Variants in ZNF79 observed in about 807,000 individuals in gnomAD.
ZNF79 encodes zinc finger protein 79, also known as ZNFpT7.
A neutral mutation model predicts 14.9 loss-of-function variants in ZNF79; 13 were observed. That is an observed-to-expected ratio of 0.87 (90% confidence interval 0.57 to 1.38). The LOEUF is 1.38. ZNF79 is among the 40% of genes most tolerant of loss of function. The pLI, the probability that ZNF79 is intolerant of heterozygous loss-of-function variation, is 0.00. For missense variants in ZNF79, 631 were observed against 630.6 expected, an observed-to-expected ratio of 1.00 and a Z score of -0.01; for synonymous variants, 223 against 235.1, an observed-to-expected ratio of 0.95 and a Z score of 0.47.
At chr9:127,427,734 CATT>C (rs1833786394) in intron 1 of ZNF79, among the ~76,000 whole-genome samples, 1 of 152,070 alleles carries the variant, frequency 6.6e-6, no homozygotes, top group Non-Finnish European at 1.5e-5. Context: ...GATGGGGTTT[CATT>C]ATGTTGCCCA....
rs531773568 is a variant in ZNF79 at position 127,445,134 on chromosome 9, T to C, written c.1434T>C (p.Cys478=). The change falls in exon 5 of 5, where the codon TGT becomes TGC. Residue 478 remains cysteine (C), a synonymous_variant. Transcript: ENST00000342483. ...TGAAACCCTACGAATGCAGCGAGTG[T>C]GGGAAGGCCTTCCGGTGCAGCTCTG... ...TGVKPYECSE[C]GKAFRCSSAF... The C allele has an allele frequency of 8.9e-4, 1,432 of 1,614,206 alleles. 21 individuals carry two copies. The South Asian group carries it at 0.014, about 16-fold the overall frequency.
chr9:127,440,452 C>T (rs532636448), intron 4 of ZNF79, among the ~76,000 whole-genome samples: 5 of 152,248 alleles, frequency 3.3e-5, no homozygotes, highest in African/African-American at 9.6e-5. Context: ...GTGGCCAGAG[C>T]TTAGTAAACA....
intron 2 of ZNF79, among the ~76,000 whole-genome samples, chr9:127,429,780 G>A (rs952146226): frequency 2.0e-5 from 3 of 151,032 alleles, no homozygotes; most frequent in Admixed American, 2.0e-4. Flanking sequence ...CTAACATTTT[G>A]ATTTGTGTCC....
intron 1 of ZNF79, among the ~76,000 whole-genome samples, chr9:127,426,549 T>TCA (rs1054881304): frequency 2.6e-5 from 4 of 152,276 alleles, no homozygotes; most frequent in African/African-American, 9.6e-5. Flanking sequence ...TAATTTTTTG[T>TCA]ATTTTTAGTA....
intron 4 of ZNF79, among the ~76,000 whole-genome samples, chr9:127,440,906 G>C (rs1834037383): frequency 6.6e-6 from 1 of 152,162 alleles, no homozygotes; most frequent in South Asian, 2.1e-4. Flanking sequence ...AAGGCGCTGG[G>C]TTAAAAGGGA....
chr9:127,428,657 CTGAG>C (rs1282906714), intron 1 of ZNF79, 171 bp from the exon 2 acceptor site: 1 of 1,237,686 alleles, frequency 8.1e-7, no homozygotes, highest in African/African-American at 1.6e-5. Flanking sequence ...CTCCCTACAT[CTGAG>C]TGAGTTGATG....
At chr9:127,440,481 A>G (rs1023435882) in intron 4 of ZNF79, among the ~76,000 whole-genome samples, 1 of 152,178 alleles carries the variant, frequency 6.6e-6, no homozygotes, top group Non-Finnish European at 1.5e-5. Context: ...AGTGGTGTGC[A>G]GGGGACAGAT....
chr9:127,443,941 C>A, intron 4 of ZNF79, 88 bp from the exon 5 acceptor site: 3 of 1,038,332 alleles, frequency 2.9e-6, no homozygotes, highest in Non-Finnish European at 4.1e-6. Flanking sequence ...GTCATCAAAC[C>A]TGTGTGTGTA....
chr9:127,441,333 C>T (rs1834044397), intron 4 of ZNF79, among the ~76,000 whole-genome samples: 1 of 152,116 alleles, frequency 6.6e-6, no homozygotes, highest in African/African-American at 2.4e-5. Context: ...TCTCAACTAC[C>T]ATTCTGGGTC....
chr9:127,439,099 G>A (rs1188997496), intron 4 of ZNF79, among the ~76,000 whole-genome samples: 2 of 86,134 alleles, frequency 2.3e-5, no homozygotes, highest in East Asian at 2.7e-4. Flanking sequence ...GCGACTAAGC[G>A]AGACTCTGTC....
At chr9:127,441,414 C>G (rs1288963685) in intron 4 of ZNF79, among the ~76,000 whole-genome samples, 1 of 152,134 alleles carries the variant, frequency 6.6e-6, no homozygotes, top group African/African-American at 2.4e-5. Flanking sequence ...GGTGATAAAT[C>G]CAAGGTTTCA....
In ZNF79 at chr9:127,445,002, G is replaced by T. The variant is rs1834139123; in HGVS notation, c.1302G>T (p.Arg434=). Residue 434 remains arginine, a synonymous_variant, in exon 5 of 5, where the codon CGG becomes CGT. Coordinates refer to ENST00000342483, the MANE Select transcript of ZNF79 (RefSeq NM_007135.3). ...KFFSESSALI[R]HHIIHTGEKP... is the part of the protein sequence containing the mutation. ...TCAGTGAGAGCTCAGCCCTCATTCG[G>T]CATCATATAATCCACACCGGAGAAA... The T allele has an allele frequency of 6.2e-7, 1 of 1,614,200 alleles. No individual in the cohort carries two copies.
At chr9:127,425,014 G>T (rs1214839494) in intron 1 of ZNF79, 4 of 1,371,568 alleles carry the variant, frequency 2.9e-6, no homozygotes, top group Admixed American at 2.8e-5. Flanking sequence ...AGAATTCGGG[G>T]GTCAAAAAAG....
rs1436393357 is a variant in ZNF79, at chr9:127,429,484, C to A, written c.105+564C>A. Among the ~76,000 whole-genome samples the A allele has an allele frequency of 3.8e-4, 27 of 71,462 alleles. No homozygotes were observed. The Admixed American group carries it at 5.0e-3, about 13-fold the overall frequency. The allele number at this position is 71,462 out of a possible 152,430, so 46.9% of individuals were successfully genotyped here. A position where few individuals can be genotyped will look rare whatever the true frequency, so the allele number is the denominator to read the frequency against. On this transcript the variant is annotated intron_variant, in intron 2 of 4. Transcript: ENST00000342483. The stretch of plus-strand genomic sequence containing the variant: ...CACAGGCTCGTGCCACCATGCCTAG[C>A]TAATTTTTTTTTTTTTTTTTAACTT...
At chr9:127,431,015 A>G (rs1407560476) in intron 2 of ZNF79, among the ~76,000 whole-genome samples, 1 of 151,816 alleles carries the variant, frequency 6.6e-6, no homozygotes, top group African/African-American at 2.4e-5. Context: ...TTTGATTTGC[A>G]TTTCTCTGGT....
At chr9:127,427,423 CAAAA>C (rs943775965) in intron 1 of ZNF79, among the ~76,000 whole-genome samples, 5 of 90,282 alleles carry the variant, frequency 5.5e-5, no homozygotes, top group Admixed American at 3.9e-4. Context: ...AACTCCGTCT[CAAAA>C]AAAAAAAAAA....
chr9:127,443,428 A>C (rs1325728788), intron 4 of ZNF79, among the ~76,000 whole-genome samples: 1 of 152,146 alleles, frequency 6.6e-6, no homozygotes, highest in Non-Finnish European at 1.5e-5. Context: ...TATATTAAGT[A>C]TAGTAAATAT....
rs754053060 is a variant in ZNF79 at position 127,444,828 on chromosome 9, C to T, written c.1128C>T (p.Leu376=). The T allele has an allele frequency of 1.9e-6, 3 of 1,609,198 alleles. No individual in the cohort carries two copies. In the South Asian group the frequency reaches 3.3e-5, roughly 18 times the overall value. Residue 376 remains leucine (L), a synonymous_variant, in exon 5 of 5, where the codon CTC becomes CTT. Transcript: ENST00000342483. The part of the protein sequence containing the change: ...CGKAFSQSAN[L]TNHQRTHTGE... ...AGGCCTTCAGCCAGAGTGCAAACCT[C>T]ACAAACCATCAGAGGACTCACACTG...
At chr9:127,426,728 C>T (rs1028414356) in intron 1 of ZNF79, among the ~76,000 whole-genome samples, 1 of 152,130 alleles carries the variant, frequency 6.6e-6, no homozygotes, top group South Asian at 2.1e-4. Context: ...GAATGATATT[C>T]CATTGTATGG....
Sources: allele counts gnomAD v4.1 joint callset (sites outside exome capture counted in the v4.1 genomes callset), GRCh38; gene constraint gnomAD v4.1.1; transcripts MANE v1.5; gene names NCBI Gene and HGNC (gene_info 2026-07-23, HGNC 2026-07-21).